Variants in CRYBG1 observed in about 807,000 individuals in gnomAD.
CRYBG1 encodes the protein crystallin beta-gamma domain containing 1, also known as beta/gamma crystallin domain-containing protein 1.
In CRYBG1, 139 loss-of-function variants were observed where a neutral mutation model predicts 189.2. That is an observed-to-expected ratio of 0.73 (90% confidence interval 0.64 to 0.85). The LOEUF (loss-of-function observed/expected upper bound fraction) is 0.85, where lower values mean the gene tolerates loss of function less well. CRYBG1 is among the 40% of genes least tolerant of loss of function. CRYBG1 has a pLI of 0.00. For synonymous variants in CRYBG1, 1,023 were observed against 1,017.1 expected, an observed-to-expected ratio of 1.01 and a Z score of -0.11; for missense variants, 2,611 against 2,675.8, an observed-to-expected ratio of 0.98 and a Z score of 0.53.
At chr6:106,560,738 TA>T in intron 18 of CRYBG1, 64 bp from the exon 19 acceptor site, 1 of 1,547,270 alleles carries the variant, frequency 6.5e-7, no homozygotes, top group Non-Finnish European at 8.7e-7. Flanking sequence ...ATTCTAAAAA[TA>T]AATGTAATTG....
At chr6:106,460,910 C>T (rs1354438119) in intron 2 of CRYBG1, among the ~76,000 whole-genome samples, 6 of 152,150 alleles carry the variant, frequency 3.9e-5, no homozygotes, top group African/African-American at 1.2e-4. Context: ...CTTCAGCCTC[C>T]AGATTAGCTG....
At chr6:106,475,672 C>T (rs1264681668) in intron 2 of CRYBG1, among the ~76,000 whole-genome samples, 2 of 152,126 alleles carry the variant, frequency 1.3e-5, no homozygotes, top group South Asian at 2.1e-4. Flanking sequence ...CTTTGAGAGT[C>T]GGGGCTTTAT....
intron 2 of CRYBG1, among the ~76,000 whole-genome samples, chr6:106,461,374 A>G (rs1772005733): frequency 6.6e-6 from 1 of 152,188 alleles, no homozygotes. Flanking sequence ...TTACATTTCA[A>G]GCTGAGTTCC....
At chr6:106,500,134 G>A (rs1364730940) in intron 2 of CRYBG1, among the ~76,000 whole-genome samples, 2 of 152,074 alleles carry the variant, frequency 1.3e-5, no homozygotes, top group Non-Finnish European at 1.5e-5. Context: ...GAACACAGGG[G>A]GCCAGATATC....
At chr6:106,383,471 T>C (rs1387993317) in intron 1 of CRYBG1, among the ~76,000 whole-genome samples, 3 of 152,242 alleles carry the variant, frequency 2.0e-5, no homozygotes, top group Non-Finnish European at 4.4e-5. Flanking sequence ...TAAGTGATGA[T>C]AAGTAATCTT....
At chr6:106,552,304 G>A (rs904750247) in intron 15 of CRYBG1, 88 bp downstream of exon 15, 2 of 991,388 alleles carry the variant, frequency 2.0e-6, no homozygotes, top group Admixed American at 3.0e-5. Context: ...AGACATTTGG[G>A]GCCGGGTGTG....
chr6:106,568,027 C>A (rs1463428780), intron 21 of CRYBG1, among the ~76,000 whole-genome samples: 3 of 144,638 alleles, frequency 2.1e-5, no homozygotes, highest in Admixed American at 2.1e-4. Flanking sequence ...ACCATTCCTC[C>A]CACCTTTCCA....
Position 106,520,218 on chromosome 6 carries a change from C to G in CRYBG1, c.3010C>G (p.Pro1004Ala), listed in dbSNP as rs763893451. The change falls in exon 4 of 22, where the codon CCC (proline) becomes GCC (alanine). Residue 1004 changes from proline (P) to alanine (A), a missense_variant. Physicochemically the swap from Pro to Ala is conservative, Grantham distance 27. Around this residue, in one of 3 missense-constraint regions of CRYBG1, gnomAD observed 1,622 missense variants for 1,735.0 expected, o/e 0.93. Coordinates refer to ENST00000633556, the MANE Select transcript of CRYBG1 (RefSeq NM_001371242.2). ...PEVVSVASCA[P>A]PQEEVLGNEH... ...AGTGGTTTCCGTTGCAAGTTGTGCT[C>G]CCCCACAAGAGGAAGTACTGGGCAA... The G allele has an allele frequency of 3.0e-5, 48 of 1,613,446 alleles. No homozygotes were observed. Among genetic ancestry groups the G allele is most frequent in the African/African-American group, 4.0e-5 (3 of 74,902 alleles).
At chr6:106,509,620 T>C (rs1773203072) in intron 2 of CRYBG1, among the ~76,000 whole-genome samples, 1 of 151,886 alleles carries the variant, frequency 6.6e-6, no homozygotes, top group African/African-American at 2.4e-5. Context: ...ATCTGATTCA[T>C]GCGCACTTCC....
intron 2 of CRYBG1, among the ~76,000 whole-genome samples, chr6:106,481,577 C>G (rs1349685198): frequency 2.6e-5 from 4 of 152,154 alleles, no homozygotes; most frequent in Non-Finnish European, 5.9e-5. Flanking sequence ...TCTTCCGTCC[C>G]TCTCCACCCT....
At chr6:106,518,899 C>T (rs896073196) in intron 3 of CRYBG1, among the ~76,000 whole-genome samples, 6 of 151,902 alleles carry the variant, frequency 3.9e-5, no homozygotes, top group Admixed American at 2.0e-4. Context: ...TTCGAGGCTG[C>T]AGCAATCTAT....
Position 106,432,507 on chromosome 6 carries a change from C to G in CRYBG1, c.174-19187C>G, listed in dbSNP as rs375919517. On this transcript the variant is annotated intron_variant, in intron 1 of 21. Transcript: ENST00000633556. ...TACAAAGATGAAAGATGACCCAGTA[C>G]CTACCCCCCAGGGAGTTAAGTATGT... 2.0e-3 allele frequency among the ~76,000 whole-genome samples: 213 copies of G among 107,682 alleles called. 2 individuals carry two copies. Among genetic ancestry groups the G allele is most frequent in the African/African-American group, 5.6e-3 (197 of 34,952 alleles). 70.6% of individuals were successfully genotyped at this position (107,682 alleles called of 152,430 possible). A position where few individuals can be genotyped will look rare whatever the true frequency, so the allele number is the denominator to read the frequency against.
At chr6:106,419,688 T>G (rs2010088) in intron 1 of CRYBG1, among the ~76,000 whole-genome samples, 1 of 151,976 alleles carries the variant, frequency 6.6e-6, no homozygotes, top group Non-Finnish European at 1.5e-5. Flanking sequence ...CTGGCCTCCT[T>G]ACAAGTTTTT....
At chr6:106,567,269 G>C (rs1774916445) in intron 21 of CRYBG1, among the ~76,000 whole-genome samples, 1 of 152,176 alleles carries the variant, frequency 6.6e-6, no homozygotes, top group African/African-American at 2.4e-5. Context: ...TGTAGGGTTT[G>C]CTGGTAGTTT....
chr6:106,388,713 C>A (rs1770437965), intron 1 of CRYBG1, among the ~76,000 whole-genome samples: 1 of 152,084 alleles, frequency 6.6e-6, no homozygotes, highest in Non-Finnish European at 1.5e-5. Context: ...TTCCAGTTGG[C>A]AAGTTTATTT....
At chr6:106,362,487 A>G (rs1771899080) in intron 1 of CRYBG1, among the ~76,000 whole-genome samples, 1 of 152,256 alleles carries the variant, frequency 6.6e-6, no homozygotes, top group East Asian at 1.9e-4. Context: ...CTGGAGGAGG[A>G]TAGGTGAAGT....
intron 1 of CRYBG1, among the ~76,000 whole-genome samples, chr6:106,388,269 A>G (rs897449758): frequency 6.6e-6 from 1 of 152,134 alleles, no homozygotes; most frequent in Non-Finnish European, 1.5e-5. Flanking sequence ...TGCCATGTTC[A>G]TCTTGGCACC....
Position 106,471,889 on chromosome 6 carries a change from C to A in CRYBG1, c.312+20057C>A, listed in dbSNP as rs553049312. ...AGGAAAAGATAGAATATTTTACCCC[C>A]TATCTCTCATCTTTGGTCTTATTTA... On this transcript the variant is annotated intron_variant, in intron 2 of 21. Coordinates refer to ENST00000633556, the MANE Select transcript of CRYBG1 (RefSeq NM_001371242.2). Among the ~76,000 whole-genome samples the A allele has an allele frequency of 1.4e-4, 22 of 152,072 alleles. No homozygotes were observed. The South Asian group carries it at 2.5e-3, about 17-fold the overall frequency.
At chr6:106,428,382 ACTTTT>A (rs1018042306) in intron 1 of CRYBG1, among the ~76,000 whole-genome samples, 7 of 151,860 alleles carry the variant, frequency 4.6e-5, no homozygotes, top group African/African-American at 1.7e-4. Flanking sequence ...GGTATATTTT[ACTTTT>A]CTTTTTTTTT....
Sources: gnomAD v4.1 joint callset for allele counts (sites outside exome capture counted in the v4.1 genomes callset) on GRCh38, gnomAD v4.1.1 for gene constraint, gnomAD v4.1.1 regional missense constraint, MANE v1.5 for transcripts, NCBI Gene and HGNC (gene_info 2026-07-23, HGNC 2026-07-21) for gene names.